Variants in SEMA5A observed in about 807,000 individuals in gnomAD.
SEMA5A encodes semaphorin 5A, also known as semaphorin-5A.
A neutral mutation model predicts 135.5 loss-of-function variants in SEMA5A; 55 were observed. The ratio of observed to expected loss-of-function variants is 0.41; its 90% confidence interval spans 0.33 to 0.51. The LOEUF is 0.51. SEMA5A is among the 20% of genes least tolerant of loss of function. The probability of loss-of-function intolerance (pLI) is 0.37; values close to 1 mark genes in which losing one functional copy is unlikely to be tolerated. For missense variants in SEMA5A, 1,290 were observed against 1,419.9 expected, an observed-to-expected ratio of 0.91 and a Z score of 1.47; for synonymous variants, 580 against 546.5, an observed-to-expected ratio of 1.06 and a Z score of -0.85.
chr5:9,515,376 G>A (rs1034240353), intron 1 of SEMA5A, among the ~76,000 whole-genome samples: 13 of 152,174 alleles, frequency 8.5e-5, no homozygotes, highest in Non-Finnish European at 1.5e-4. Context: ...TCTCTAGTTC[G>A]TCATGCAACG....
At chr5:9,490,014 A>T (rs1343398563) in intron 1 of SEMA5A, among the ~76,000 whole-genome samples, 2 of 152,210 alleles carry the variant, frequency 1.3e-5, no homozygotes, top group African/African-American at 4.8e-5. Flanking sequence ...CCAGAAACTC[A>T]TAATTAGAGA....
At chr5:9,399,726 T>C (rs150503596) in intron 2 of SEMA5A, among the ~76,000 whole-genome samples, 74 of 152,110 alleles carry the variant, frequency 4.9e-4, no homozygotes, top group African/African-American at 1.5e-3. Flanking sequence ...AGAAAGAAGA[T>C]TAGGGTGTGG....
chr5:9,197,771 TGTGTGTGTGTGTG>T (rs1745490822), intron 9 of SEMA5A, among the ~76,000 whole-genome samples: 2 of 141,680 alleles, frequency 1.4e-5, no homozygotes, highest in Non-Finnish European at 3.0e-5. Context: ...TGTGTGTGTG[TGTGTGTGTGTGTG>T]TTTTAACCCA....
intron 4 of SEMA5A, among the ~76,000 whole-genome samples, chr5:9,333,954 A>G (rs1214900363): frequency 6.6e-6 from 1 of 152,082 alleles, no homozygotes; most frequent in Non-Finnish European, 1.5e-5. Flanking sequence ...TGCATTTAAC[A>G]TAATACGAAA....
intron 5 of SEMA5A, among the ~76,000 whole-genome samples, chr5:9,259,261 G>C (rs1176668816): frequency 6.6e-6 from 1 of 152,182 alleles, no homozygotes; most frequent in Non-Finnish European, 1.5e-5. Context: ...TTCTCAAAAG[G>C]TTTGTAGTAC....
intron 3 of SEMA5A, among the ~76,000 whole-genome samples, chr5:9,339,586 A>G (rs1316405771): frequency 6.6e-6 from 1 of 152,238 alleles, no homozygotes; most frequent in Non-Finnish European, 1.5e-5. Flanking sequence ...TTCAAGAGAG[A>G]AATAATCAAA....
intron 3 of SEMA5A, among the ~76,000 whole-genome samples, chr5:9,349,895 C>T (rs1442170480): frequency 1.3e-5 from 2 of 151,852 alleles, no homozygotes; most frequent in African/African-American, 4.8e-5. Context: ...GAGCAAGATT[C>T]CATCTCAAAA....
At chr5:9,445,875 T>C (rs945795441) in intron 1 of SEMA5A, among the ~76,000 whole-genome samples, 5 of 152,168 alleles carry the variant, frequency 3.3e-5, no homozygotes, top group Admixed American at 6.5e-5. Flanking sequence ...TCTACTTTCC[T>C]GTACAGAAGA....
intron 1 of SEMA5A, among the ~76,000 whole-genome samples, chr5:9,441,931 G>A (rs1758253207): frequency 6.6e-6 from 1 of 152,216 alleles, no homozygotes; most frequent in South Asian, 2.1e-4. Context: ...GTCACTGAAG[G>A]TTCAGTGGGA....
At chr5:9,294,705 C>T (rs1384100970) in intron 5 of SEMA5A, among the ~76,000 whole-genome samples, 1 of 152,154 alleles carries the variant, frequency 6.6e-6, no homozygotes, top group Non-Finnish European at 1.5e-5. Flanking sequence ...GAAGATAATC[C>T]ACTCTTCCTT....
chr5:9,506,104 A>C (rs1466732483), intron 1 of SEMA5A, among the ~76,000 whole-genome samples: 1 of 152,222 alleles, frequency 6.6e-6, no homozygotes, highest in Non-Finnish European at 1.5e-5. Flanking sequence ...GGATTAGATA[A>C]TTTAGGCTTC....
At chr5:9,174,232 C>T (rs1447728427) in intron 11 of SEMA5A, among the ~76,000 whole-genome samples, 1 of 152,156 alleles carries the variant, frequency 6.6e-6, no homozygotes, top group African/African-American at 2.4e-5. Flanking sequence ...AGGAAATGTT[C>T]TAAGTGTTAA....
At chr5:9,102,018 G>A (rs2150143519) in intron 16 of SEMA5A, among the ~76,000 whole-genome samples, 1 of 152,232 alleles carries the variant, frequency 6.6e-6, no homozygotes, top group East Asian at 1.9e-4. Flanking sequence ...TGAATAAGAA[G>A]AAAACTTTTC....
chr5:9,489,237 A>C (rs1214947199), intron 1 of SEMA5A, among the ~76,000 whole-genome samples: 1 of 115,276 alleles, frequency 8.7e-6, no homozygotes. Context: ...TTGCTCAACA[A>C]AGAACCAAAT....
chr5:9,141,128 T>C (rs1742045335), intron 12 of SEMA5A, among the ~76,000 whole-genome samples: 1 of 152,210 alleles, frequency 6.6e-6, no homozygotes, highest in Non-Finnish European at 1.5e-5. Context: ...ATGCAAAATA[T>C]TTTACACCAT....
chr5:9,387,194 G>A (rs910003755), intron 2 of SEMA5A, among the ~76,000 whole-genome samples: 2 of 152,190 alleles, frequency 1.3e-5, no homozygotes, highest in Admixed American at 6.6e-5. Flanking sequence ...AAGGTCACAT[G>A]ACCTGAATCA....
chr5:9,132,155 C>T (rs1420558038), intron 13 of SEMA5A, among the ~76,000 whole-genome samples: 1 of 152,000 alleles, frequency 6.6e-6, no homozygotes, highest in African/African-American at 2.4e-5. Context: ...CTATAGAAAC[C>T]CATAAACATT....
chr5:9,478,671 G>A (rs1181408316), intron 1 of SEMA5A, among the ~76,000 whole-genome samples: 1 of 152,220 alleles, frequency 6.6e-6, no homozygotes, highest in African/African-American at 2.4e-5. Context: ...TGGAATGGGA[G>A]CATTTACTCG....
chr5:9,353,981 A>C (rs1754330696), intron 3 of SEMA5A, among the ~76,000 whole-genome samples: 2 of 151,930 alleles, frequency 1.3e-5, no homozygotes, highest in Admixed American at 1.3e-4. Context: ...GTTAAAAAAA[A>C]AAAAAAAGAA....
Sources: allele counts gnomAD v4.1 joint callset (sites outside exome capture counted in the v4.1 genomes callset), GRCh38; gene constraint gnomAD v4.1.1; transcripts MANE v1.5; gene names NCBI Gene and HGNC (gene_info 2026-07-23, HGNC 2026-07-21).